Variants in MSH3 observed in about 807,000 individuals in gnomAD.
MSH3 encodes DNA mismatch repair protein Msh3.
In MSH3, 106 loss-of-function variants were observed where a neutral mutation model predicts 123.3. The ratio of observed to expected loss-of-function variants is 0.86; its 90% CI spans 0.73 to 1.01. MSH3 has a LOEUF of 1.01. Ranked by LOEUF, MSH3 falls within the 50% of genes least tolerant of loss-of-function variation. The pLI, the probability that MSH3 is intolerant of heterozygous loss-of-function variation, is 0.00. For missense variants in MSH3, 1,459 were observed against 1,347.6 expected, an observed-to-expected ratio of 1.08 and a Z score of -1.29; for synonymous variants, 515 against 481.4, an observed-to-expected ratio of 1.07 and a Z score of -0.91.
chr5:80,733,013 T>C (rs1260831621), intron 10 of MSH3, among the ~76,000 whole-genome samples: 1 of 152,134 alleles, frequency 6.6e-6, no homozygotes. Context: ...TTGGAGAAAT[T>C]GACAAGCTGA....
intron 8 of MSH3, among the ~76,000 whole-genome samples, chr5:80,717,168 G>A (rs1750980196): frequency 6.6e-6 from 1 of 152,174 alleles, no homozygotes; most frequent in Admixed American, 6.5e-5. Flanking sequence ...TGCAGTAAAT[G>A]TAAGAATGCA....
At chr5:80,868,566 T>G (rs1746144381) in intron 22 of MSH3, among the ~76,000 whole-genome samples, 1 of 143,966 alleles carries the variant, frequency 6.9e-6, no homozygotes, top group African/African-American at 2.6e-5. Context: ...AGTTAAATGA[T>G]GAGAACACAT....
chr5:80,656,721 A>G (rs1231243788), intron 2 of MSH3, among the ~76,000 whole-genome samples, 190 bp downstream of exon 2: 1 of 152,186 alleles, frequency 6.6e-6, no homozygotes, highest in Admixed American at 6.6e-5. Flanking sequence ...TGGTAGAGCT[A>G]CAATTCTGCA....
At chr5:80,840,246 A>G (rs897269653) in intron 20 of MSH3, among the ~76,000 whole-genome samples, 1 of 152,178 alleles carries the variant, frequency 6.6e-6, no homozygotes, top group African/African-American at 2.4e-5. Flanking sequence ...ATATATGTAT[A>G]TCATTCTAAG....
chr5:80,711,795 C>T (rs1367548869), intron 8 of MSH3, among the ~76,000 whole-genome samples: 1 of 151,964 alleles, frequency 6.6e-6, no homozygotes, highest in African/African-American at 2.4e-5. Context: ...GCTGGGACTA[C>T]AGGCCTGCAC....
intron 20 of MSH3, among the ~76,000 whole-genome samples, chr5:80,838,303 G>A (rs546547884): frequency 2.0e-5 from 3 of 152,276 alleles, no homozygotes; most frequent in African/African-American, 7.2e-5. Flanking sequence ...AGTGAGCAGA[G>A]TGTAGACTCT....
chr5:80,806,671 A>G (rs1394758244), intron 19 of MSH3, among the ~76,000 whole-genome samples: 1 of 151,810 alleles, frequency 6.6e-6, no homozygotes, highest in African/African-American at 2.4e-5. Flanking sequence ...CTCCCCTCCT[A>G]TTCTCCTAAT....
At chr5:80,741,943 T>TGAAAC (rs1554071082) in intron 11 of MSH3, among the ~76,000 whole-genome samples, 4 of 151,972 alleles carry the variant, frequency 2.6e-5, no homozygotes, top group African/African-American at 9.7e-5. Context: ...ATTCAGGTTA[T>TGAAAC]AGGTTTCTGG....
chr5:80,670,332 A>G (rs1292815621), intron 4 of MSH3, 23 bp downstream of exon 4: 8 of 1,602,884 alleles, frequency 5.0e-6, no homozygotes, highest in Admixed American at 1.7e-5. Flanking sequence ...TTCAGGCACT[A>G]TTTTATATTT....
At chr5:80,673,536 A>G (rs908192922) in intron 6 of MSH3, among the ~76,000 whole-genome samples, 1 of 152,138 alleles carries the variant, frequency 6.6e-6, no homozygotes, top group Non-Finnish European at 1.5e-5. Context: ...TCTCAAACAA[A>G]CAAACAAACA....
chr5:80,743,018 A>G (rs560866633), intron 11 of MSH3, among the ~76,000 whole-genome samples: 1 of 152,244 alleles, frequency 6.6e-6, no homozygotes, highest in East Asian at 1.9e-4. Context: ...AGCTGAGATT[A>G]ACATCTTCTG....
At chr5:80,756,440 A>G (rs1006515213) in intron 12 of MSH3, among the ~76,000 whole-genome samples, 1 of 152,140 alleles carries the variant, frequency 6.6e-6, no homozygotes, top group African/African-American at 2.4e-5. Flanking sequence ...TCTTATGTGC[A>G]TCCAGACTAT....
rs767851159 is a variant in MSH3, at chr5:80,675,093, G to GA, written c.1139dup (p.Asp380GlufsTer24). 6.2e-6 allele frequency: 10 copies of GA among 1,612,846 alleles called. No individual in the cohort carries two copies. Among genetic ancestry groups the GA allele is most frequent in the Non-Finnish European group, 8.5e-6 (10 of 1,179,548 alleles). On this transcript the variant is annotated frameshift_variant, in exon 7 of 24. Coordinates refer to ENST00000265081, the MANE Select transcript of MSH3 (RefSeq NM_002439.5). LOFTEE classifies it high-confidence loss of function. The stretch of plus-strand genomic sequence containing the variant: ...CTCTGAAAATAAGGAAAATGTTAGG[G>GA]ACAAAAAAAAGGGCAACATTTTTAT...
intron 20 of MSH3, among the ~76,000 whole-genome samples, chr5:80,850,073 A>G (rs545105925): frequency 2.6e-5 from 4 of 152,324 alleles, no homozygotes; most frequent in South Asian, 4.1e-4. Flanking sequence ...AAGTTCCACA[A>G]ATCTCTAGGG....
chr5:80,773,286 G>T (rs1744242865), intron 15 of MSH3, among the ~76,000 whole-genome samples: 1 of 152,206 alleles, frequency 6.6e-6, no homozygotes, highest in African/African-American at 2.4e-5. Context: ...TAAAACAGCA[G>T]AATTATTTAG....
intron 22 of MSH3, among the ~76,000 whole-genome samples, chr5:80,866,687 C>A (rs1280421064): frequency 6.6e-6 from 1 of 152,186 alleles, no homozygotes; most frequent in East Asian, 1.9e-4. Flanking sequence ...ATTTTCCCTT[C>A]CTCTGTCCTT....
chr5:80,747,860 A>G (rs373211316), intron 12 of MSH3, among the ~76,000 whole-genome samples: 3 of 152,178 alleles, frequency 2.0e-5, no homozygotes, highest in East Asian at 1.9e-4. Flanking sequence ...GGGCTGTACT[A>G]TCTAATTTTA....
At position 80,796,959 on chromosome 5, in the gene MSH3, G is replaced by A. The variant is rs568804841; in HGVS notation, c.2655+4115G>A. Among the ~76,000 whole-genome samples, 22 of 152,178 alleles carry A rather than the reference G, an allele frequency of 1.4e-4. No homozygotes were observed. In the South Asian group the frequency reaches 4.1e-3, roughly 29 times the overall value. Reference sequence around the variant, plus strand: ...TCATACTTCACACTCCAGCCAGATTGGACTTCATGCCGTTCCCAAGTCACT... The same window carrying A: ...TCATACTTCACACTCCAGCCAGATTAGACTTCATGCCGTTCCCAAGTCACT... On this transcript the variant is annotated intron_variant, in intron 19 of 23. Transcript: ENST00000265081.
At chr5:80,674,927 T>C in intron 6 of MSH3, 56 bp from the exon 7 acceptor site, 1 of 1,347,272 alleles carries the variant, frequency 7.4e-7, no homozygotes, top group Non-Finnish European at 1.0e-6. Context: ...ATTGGAAATT[T>C]AGCATATTAG....
Sources: allele counts gnomAD v4.1 joint callset (sites outside exome capture counted in the v4.1 genomes callset), GRCh38; gene constraint gnomAD v4.1.1; transcripts MANE v1.5; gene names NCBI Gene and HGNC (gene_info 2026-07-23, HGNC 2026-07-21).